EDC3: variants seen among roughly 807,000 people sequenced by gnomAD.
The protein encoded by EDC3 is enhancer of mRNA-decapping protein 3.
A neutral mutation model predicts 41.8 loss-of-function variants in EDC3; 20 were observed. The ratio of observed to expected loss-of-function variants is 0.48; its 90% CI spans 0.34 to 0.70. EDC3 has a LOEUF of 0.70. EDC3 is among the 30% of genes least tolerant of loss of function. The pLI is 0.01. For synonymous variants in EDC3, 206 were observed against 243.2 expected, an observed-to-expected ratio of 0.85 and a Z score of 1.42; for missense variants, 444 against 636.8, an observed-to-expected ratio of 0.70 and a Z score of 3.26.
In EDC3 at chr15:74,684,780, G is replaced by A. The variant is rs967754839; in HGVS notation, c.-18-9638C>T. ...TAGCAAGGTCACAGGATATATGCTC[G>A]ATGTAGAAAAAACAACAACAGCAGC... On this transcript the variant is annotated intron_variant, in intron 1 of 6. Transcript: ENST00000315127. Among the ~76,000 whole-genome samples the A allele has an allele frequency of 1.5e-4, 23 of 152,070 alleles. No homozygotes were observed. In the East Asian group the frequency reaches 3.1e-3, roughly 20 times the overall value.
At chr15:74,643,077 G>A (rs765576890) in intron 4 of EDC3, 3 of 152,302 alleles carry the variant, frequency 2.0e-5, no homozygotes, top group South Asian at 2.1e-4. Flanking sequence ...TGAAAGGAAC[G>A]TACAAACACC....
intron 1 of EDC3, among the ~76,000 whole-genome samples, chr15:74,677,244 G>T (rs1158110316): frequency 2.6e-5 from 4 of 151,272 alleles, no homozygotes; most frequent in African/African-American, 9.7e-5. Flanking sequence ...TGTATTTTTA[G>T]TAGAGACGGG....
rs747512793 is a variant in EDC3, at chr15:74,632,880, C to T, written c.1259G>A (p.Arg420His). 33 of 1,614,114 alleles carry T rather than the reference C, an allele frequency of 2.0e-5. No homozygotes were observed. Among genetic ancestry groups the T allele is most frequent in the African/African-American group, 5.3e-5 (4 of 74,936 alleles). The change falls in exon 7 of 7, where the codon CGC (arginine) becomes CAC (histidine). Residue 420 changes from arginine (R) to histidine (H), a missense_variant. This residue lies in a region of EDC3 where 242 missense variants were observed against 363.8 expected (regional missense o/e 0.67). Coordinates refer to ENST00000315127, the MANE Select transcript of EDC3 (RefSeq NM_025083.5). The surrounding 1 kb of genome is among the most constrained non-coding windows in gnomAD (Gnocchi z 4.0). ...CLDCPENVFL[R>H]DQPWYKAAVA... ...AGCTGCCTTGTACCAGGGTTGATCGCGCAGGAAGACGTTCTCAGGGCAATC... is the reference window on the plus strand; with the variant it reads ...AGCTGCCTTGTACCAGGGTTGATCGTGCAGGAAGACGTTCTCAGGGCAATC...
intron 4 of EDC3, among the ~76,000 whole-genome samples, chr15:74,652,960 A>G (rs1264775922): frequency 6.6e-6 from 1 of 152,076 alleles, no homozygotes; most frequent in Non-Finnish European, 1.5e-5. Context: ...CAGGCAGATC[A>G]CTTGAGGCCA....
At chr15:74,677,797 G>A (rs1174321057) in intron 1 of EDC3, among the ~76,000 whole-genome samples, 1 of 152,152 alleles carries the variant, frequency 6.6e-6, no homozygotes, top group South Asian at 2.1e-4. Flanking sequence ...GCACGTGGAT[G>A]TTTACAGCAG....
Position 74,671,658 on chromosome 15 carries a change from C to T in EDC3, c.281G>A (p.Gly94Asp). 6.2e-7 allele frequency: 1 copy of T among 1,614,142 alleles called. No homozygotes were observed. Among genetic ancestry groups the T allele is most frequent in the Non-Finnish European group, 8.5e-7 (1 of 1,180,018 alleles). Reference protein sequence around the residue: ...LGPSGAGCQVGINQNGTGKFV... With the variant: ...LGPSGAGCQVDINQNGTGKFV... ...CTTGCCTGTGCCATTCTGATTGATG[C>T]CCACTTGGCAGCCAGCACCAGAGGG... Residue 94 changes from glycine (G) to aspartate (D), a missense_variant, in exon 3 of 7, where the codon GGC (glycine) becomes GAC (aspartate). Gly to Asp is a moderately conservative substitution (Grantham distance 94, BLOSUM62 -1). Around this residue, in one of 3 missense-constraint regions of EDC3, gnomAD observed 200 missense variants for 244.0 expected, o/e 0.82. Coordinates refer to ENST00000315127, the MANE Select transcript of EDC3 (RefSeq NM_025083.5). This position sits in a 1 kb window ranked among gnomAD's most constrained non-coding sequence, Gnocchi z 4.6.
At chr15:74,659,181 T>C (rs2062590964) in intron 3 of EDC3, among the ~76,000 whole-genome samples, 1 of 151,458 alleles carries the variant, frequency 6.6e-6, no homozygotes, top group Non-Finnish European at 1.5e-5. Context: ...AGAAGAAATA[T>C]GTTGGGCACA....
At chr15:74,668,043 G>A (rs2141641874) in intron 3 of EDC3, among the ~76,000 whole-genome samples, 1 of 152,318 alleles carries the variant, frequency 6.6e-6, no homozygotes, top group African/African-American at 2.4e-5. Flanking sequence ...ACAAGGTGAT[G>A]AAAATGGTAC....
chr15:74,633,268 T>C (rs1274234052), intron 6 of EDC3, among the ~76,000 whole-genome samples: 1 of 152,226 alleles, frequency 6.6e-6, no homozygotes, highest in Non-Finnish European at 1.5e-5. Context: ...TTCTCAGGCA[T>C]GCCTCTGTAT....
chr15:74,676,766 TA>T, intron 1 of EDC3, among the ~76,000 whole-genome samples: 1 of 152,128 alleles, frequency 6.6e-6, no homozygotes, highest in Non-Finnish European at 1.5e-5. Flanking sequence ...CAAGAACTCT[TA>T]AAACTCAACA....
At chr15:74,636,947 C>T (rs572866364) in intron 5 of EDC3, 64 of 152,294 alleles carry the variant, frequency 4.2e-4, no homozygotes, top group African/African-American at 1.5e-3. Context: ...CACCCAGCGG[C>T]AAGGTGTAGA....
intron 1 of EDC3, chr15:74,686,943 A>G (rs1470154970): frequency 6.6e-6 from 1 of 152,326 alleles, no homozygotes; most frequent in Non-Finnish European, 1.5e-5. Flanking sequence ...GGCTGACAGG[A>G]TAACTGCTTG....
At chr15:74,692,159 A>G (rs2141690617) in intron 1 of EDC3, among the ~76,000 whole-genome samples, 1 of 152,306 alleles carries the variant, frequency 6.6e-6, no homozygotes, top group African/African-American at 2.4e-5. Flanking sequence ...AGTGAGAATT[A>G]AGCAGTAATC....
At chr15:74,646,141 C>T (rs1319721350) in intron 4 of EDC3, among the ~76,000 whole-genome samples, 3 of 147,516 alleles carry the variant, frequency 2.0e-5, no homozygotes, top group African/African-American at 7.5e-5. Flanking sequence ...GGTATGATCT[C>T]GGCTCACTGC....
At position 74,632,439 on chromosome 15, in the gene EDC3, T is replaced by C. The variant is rs370157971; in HGVS notation, c.*173A>G. ...AGCCCGGAACCCAGTGGGAAAGACT[T>C]CCCTGGCTAAGAGCAAGTGACAGGT... On this transcript the variant is annotated 3_prime_UTR_variant, in exon 7 of 7. Transcript: ENST00000315127. This position sits in a 1 kb window ranked among gnomAD's most constrained non-coding sequence, Gnocchi z 4.0. 14 of 802,960 alleles carry C rather than the reference T, an allele frequency of 1.7e-5. No homozygotes were observed. The East Asian group carries it at 2.4e-4, about 14-fold the overall frequency. 49.7% of individuals were successfully genotyped at this position (802,960 alleles called of 1,614,324 possible).
chr15:74,654,912 AAAT>A (rs1364726880), intron 4 of EDC3, among the ~76,000 whole-genome samples: 3 of 152,182 alleles, frequency 2.0e-5, no homozygotes, highest in African/African-American at 7.2e-5. Flanking sequence ...ACCAAAATAA[AAAT>A]ATTATACTCA....
At position 74,632,938 on chromosome 15, in the gene EDC3, T is replaced by C. The variant is rs2062230130; in HGVS notation, c.1201A>G (p.Thr401Ala). The C allele has an allele frequency of 2.5e-6, 4 of 1,613,628 alleles. No homozygotes were observed. The highest frequency in any genetic ancestry group is 3.4e-6 in the Non-Finnish European group (4 of 1,179,582). ...QQVSSLKDLPTSPVDLVINCL... is the reference protein window; with the variant it reads ...QQVSSLKDLPASPVDLVINCL... ...TTGATGACCAGGTCCACAGGGCTAG[T>C]GGGCAGATCTGCAGGTGGAAAGAGT... The change falls in exon 7 of 7, where the codon ACT becomes GCT. Residue 401 changes from threonine to alanine, a missense_variant. Transcript: ENST00000315127. The surrounding 1 kb of genome is among the most constrained non-coding windows in gnomAD (Gnocchi z 4.0).
chr15:74,654,667 G>GT lies in EDC3; in HGVS notation c.820+1065dup, dbSNP rs886489869. ...AAAGACTGACACAGTTCAGCAGCTT[G>GT]TTTTTTTTTTAGCAGTCTTTCTTAG... On this transcript the variant is annotated intron_variant, in intron 4 of 6. Transcript: ENST00000315127. 3.3e-3 allele frequency among the ~76,000 whole-genome samples: 480 copies of GT among 145,384 alleles called. 2 individuals are homozygous for GT. Among genetic ancestry groups the GT allele is most frequent in the African/African-American group, 0.011 (436 of 39,532 alleles).
intron 3 of EDC3, among the ~76,000 whole-genome samples, chr15:74,665,462 C>T (rs1408049476): frequency 6.6e-6 from 1 of 152,222 alleles, no homozygotes; most frequent in African/African-American, 2.4e-5. Context: ...ATCTGCCCCT[C>T]ATGGTCACCA....
Sources: gnomAD v4.1 joint callset for allele counts (sites outside exome capture counted in the v4.1 genomes callset) on GRCh38, gnomAD v4.1.1 for gene constraint, gnomAD v4.1.1 regional missense constraint, Gnocchi (gnomAD v3.1) non-coding constraint, MANE v1.5 for transcripts, NCBI Gene and HGNC (gene_info 2026-07-23, HGNC 2026-07-21) for gene names.